The following SUMF1 variants were observed in gnomAD, a reference collection of about 807,000 sequenced individuals.
SUMF1 encodes sulfatase modifying factor 1, also known as formylglycine-generating enzyme.
Under a neutral mutation model 47.6 loss-of-function variants are expected in SUMF1, and 48 were observed. That is an observed-to-expected ratio of 1.01 (90% CI 0.80 to 1.28). SUMF1 has a LOEUF of 1.28. Ranked by LOEUF, SUMF1 falls within the 50% of genes most tolerant of loss-of-function variation. SUMF1 has a pLI of 0.00. For missense variants in SUMF1, 571 were observed against 485.4 expected, an observed-to-expected ratio of 1.18 and a Z score of -1.66; for synonymous variants, 230 against 192.1, an observed-to-expected ratio of 1.20 and a Z score of -1.63.
intron 8 of SUMF1, among the ~76,000 whole-genome samples, chr3:4,251,162 G>T (rs1219283229): frequency 1.3e-5 from 2 of 152,126 alleles, no homozygotes; most frequent in Non-Finnish European, 2.9e-5. Context: ...GCACTAATAG[G>T]AGTTTGGAAA....
chr3:4,061,132 C>T (rs571686667), intron 9 of SUMF1, among the ~76,000 whole-genome samples: 7 of 152,290 alleles, frequency 4.6e-5, no homozygotes, highest in African/African-American at 1.7e-4. Flanking sequence ...GAGAATTGGG[C>T]AGCCCCCTGA....
intron 8 of SUMF1, among the ~76,000 whole-genome samples, chr3:4,288,789 G>A (rs945794711): frequency 2.1e-5 from 3 of 140,414 alleles, no homozygotes; most frequent in Non-Finnish European, 4.5e-5. Context: ...GAACAACAGA[G>A]CGAGACTCTG....
At chr3:4,240,027 A>T (rs908804294) in intron 8 of SUMF1, among the ~76,000 whole-genome samples, 7 of 152,110 alleles carry the variant, frequency 4.6e-5, no homozygotes. Context: ...TGAAATAATC[A>T]TGTGGTTTTT....
At chr3:4,136,811 G>A (rs1193019129) in intron 8 of SUMF1, among the ~76,000 whole-genome samples, 2 of 151,652 alleles carry the variant, frequency 1.3e-5, no homozygotes, top group African/African-American at 4.9e-5. Flanking sequence ...AGTGGGCAAA[G>A]GATATGAACA....
intron 8 of SUMF1, among the ~76,000 whole-genome samples, chr3:4,324,340 AGG>A (rs1698898309): frequency 6.6e-6 from 1 of 152,222 alleles, no homozygotes; most frequent in Admixed American, 6.6e-5. Context: ...AAAGTGACTG[AGG>A]CAGGTCTCAA....
At chr3:4,236,431 T>G (rs1696410930) in intron 8 of SUMF1, among the ~76,000 whole-genome samples, 1 of 151,872 alleles carries the variant, frequency 6.6e-6, no homozygotes, top group Non-Finnish European at 1.5e-5. Context: ...ACTGGGCCAT[T>G]AGGAAAAGGG....
chr3:4,270,437 C>T lies in SUMF1; in HGVS notation c.1014+105893G>A, dbSNP rs999291780. On this transcript the variant is annotated intron_variant and NMD_transcript_variant, in intron 8 of 12. Coordinates refer to the SUMF1 transcript ENST00000448413. Reference sequence around the variant, plus strand: ...TCTCTCTCTCTCTCTCACACACATACACGCACACACACACCACCCACTTAA... The same window carrying T: ...TCTCTCTCTCTCTCTCACACACATATACGCACACACACACCACCCACTTAA... 1.3e-5 allele frequency among the ~76,000 whole-genome samples: 2 copies of T among 152,026 alleles called. 1 individual carries two copies. Among genetic ancestry groups the T allele is most frequent in the Admixed American group, 1.3e-4 (2 of 15,260 alleles).
At chr3:4,065,296 C>T (rs1317473686) in intron 9 of SUMF1, among the ~76,000 whole-genome samples, 3 of 152,054 alleles carry the variant, frequency 2.0e-5, no homozygotes, top group Non-Finnish European at 4.4e-5. Flanking sequence ...CTATGCTTCA[C>T]TGGGCTAGAA....
intron 8 of SUMF1, among the ~76,000 whole-genome samples, chr3:4,211,143 CATATACATAT>C (rs1448506559): frequency 3.9e-4 from 43 of 109,066 alleles, no homozygotes; most frequent in African/African-American, 1.3e-3. Flanking sequence ...CACATATATA[CATATACATAT>C]ATATACATAT....
At chr3:4,329,946 T>C (rs1311469890) in intron 8 of SUMF1, among the ~76,000 whole-genome samples, 3 of 152,186 alleles carry the variant, frequency 2.0e-5, no homozygotes, top group African/African-American at 4.8e-5. Flanking sequence ...TTACTTCTAC[T>C]AGATGCCCTA....
chr3:4,199,446 C>A (rs1177421962), intron 8 of SUMF1, among the ~76,000 whole-genome samples: 1 of 152,038 alleles, frequency 6.6e-6, no homozygotes, highest in Non-Finnish European at 1.5e-5. Flanking sequence ...AGATACAAGT[C>A]TTTGTGTGCA....
intron 8 of SUMF1, among the ~76,000 whole-genome samples, chr3:4,351,207 A>G (rs1699493859): frequency 7.4e-6 from 1 of 134,358 alleles, no homozygotes; most frequent in Non-Finnish European, 1.5e-5. Context: ...TATGTTTCCC[A>G]TATTAGTGAG....
intron 8 of SUMF1, among the ~76,000 whole-genome samples, chr3:4,124,694 C>T (rs1450360376): frequency 6.6e-6 from 1 of 151,866 alleles, no homozygotes; most frequent in Non-Finnish European, 1.5e-5. Context: ...TGTTAATTAT[C>T]TTTGGCTTTC....
intron 8 of SUMF1, among the ~76,000 whole-genome samples, chr3:4,125,278 G>A (rs1227849723): frequency 1.3e-5 from 2 of 152,076 alleles, no homozygotes; most frequent in African/African-American, 2.4e-5. Context: ...ATAACTACAT[G>A]TTACCGGTTA....
intron 8 of SUMF1, among the ~76,000 whole-genome samples, chr3:4,092,436 T>C (rs567371316): frequency 2.6e-5 from 4 of 152,196 alleles, no homozygotes; most frequent in African/African-American, 4.8e-5. Context: ...CCTTTCCACA[T>C]TGAGCATCTA....
chr3:4,387,667 A>G (rs80000720), intron 7 of SUMF1, among the ~76,000 whole-genome samples: 12,396 of 151,906 alleles, frequency 0.082, 785 homozygotes, highest in African/African-American at 0.18. Flanking sequence ...TCAAGCTGAA[A>G]CATATTGATT....
At chr3:4,276,469 C>G (rs1374721765) in intron 8 of SUMF1, among the ~76,000 whole-genome samples, 1 of 152,048 alleles carries the variant, frequency 6.6e-6, no homozygotes, top group Non-Finnish European at 1.5e-5. Context: ...GCCTTGTTTC[C>G]ATTAAAAGAA....
chr3:4,091,134 A>G (rs1446722163), intron 8 of SUMF1, among the ~76,000 whole-genome samples: 1 of 152,076 alleles, frequency 6.6e-6, no homozygotes, highest in Non-Finnish European at 1.5e-5. Flanking sequence ...TGGGTCTTTA[A>G]GTAGAAGTTT....
At chr3:4,232,585 G>A (rs13063612) in intron 8 of SUMF1, among the ~76,000 whole-genome samples, 54,841 of 151,540 alleles carry the variant, frequency 0.36, 10,778 homozygotes, top group Non-Finnish European at 0.45. Flanking sequence ...AAGAATTTAT[G>A]CTTGCTTGCC....
Sources: allele counts gnomAD v4.1 joint callset (sites outside exome capture counted in the v4.1 genomes callset), GRCh38; gene constraint gnomAD v4.1.1; transcripts MANE v1.5; gene names NCBI Gene and HGNC (gene_info 2026-07-23, HGNC 2026-07-21).